PCCA: variants seen among roughly 807,000 people sequenced by gnomAD.
PCCA encodes propionyl-CoA carboxylase subunit alpha, also known as propionyl-CoA carboxylase alpha chain, mitochondrial.
In PCCA, 74 loss-of-function variants were observed where a neutral mutation model predicts 101.3. That is an observed-to-expected ratio of 0.73 (90% confidence interval 0.61 to 0.89). The LOEUF is 0.89. Among genes scored for constraint, PCCA ranks in the 40% least tolerant of loss-of-function variants. The pLI is 0.00. For missense variants in PCCA, 891 were observed against 907.0 expected (o/e 0.98, Z 0.23); for synonymous variants, 294 against 313.6 (o/e 0.94, Z 0.66).
chr13:100,132,233 T>G (rs544202767), intron 4 of PCCA, among the ~76,000 whole-genome samples: 1 of 51,714 alleles, frequency 1.9e-5, no homozygotes, highest in South Asian at 7.0e-4. Flanking sequence ...ATGTGTAGAT[T>G]ATGTCACTAC....
chr13:100,337,444 C>T (rs2070667484), intron 17 of PCCA, among the ~76,000 whole-genome samples: 1 of 152,134 alleles, frequency 6.6e-6, no homozygotes, highest in Admixed American at 6.5e-5. Flanking sequence ...AGTATCAGGC[C>T]GCAGGGGAAC....
At chr13:100,344,626 A>G (rs527376770) in intron 18 of PCCA, among the ~76,000 whole-genome samples, 2 of 152,318 alleles carry the variant, frequency 1.3e-5, no homozygotes, top group South Asian at 2.1e-4. Flanking sequence ...ATTAAAATGC[A>G]TTACTTAAGA....
chr13:100,294,938 A>G (rs2065409227), intron 12 of PCCA, among the ~76,000 whole-genome samples: 1 of 151,612 alleles, frequency 6.6e-6, no homozygotes, highest in Admixed American at 6.6e-5. Flanking sequence ...CTGCAGTCCA[A>G]CTCTTTTTTT....
intron 7 of PCCA, among the ~76,000 whole-genome samples, chr13:100,215,766 A>G (rs2059473022): frequency 6.6e-6 from 1 of 152,008 alleles, no homozygotes; most frequent in Non-Finnish European, 1.5e-5. Flanking sequence ...CAGCCTCTCA[A>G]GTAGCTGGGA....
intron 19 of PCCA, among the ~76,000 whole-genome samples, chr13:100,380,044 C>A (rs938228765): frequency 6.6e-6 from 1 of 152,016 alleles, no homozygotes; most frequent in Non-Finnish European, 1.5e-5. Context: ...CACACACACA[C>A]ACACACACAG....
chr13:100,280,793 C>T (rs2064043328), intron 12 of PCCA, among the ~76,000 whole-genome samples: 1 of 152,216 alleles, frequency 6.6e-6, no homozygotes, highest in African/African-American at 2.4e-5. Flanking sequence ...GTGCACTATC[C>T]TGAGTAGTGT....
At chr13:100,302,160 T>TA (rs2066114482) in intron 13 of PCCA, among the ~76,000 whole-genome samples, 1 of 152,176 alleles carries the variant, frequency 6.6e-6, no homozygotes, top group Admixed American at 6.5e-5. Flanking sequence ...GTTTTACTCA[T>TA]AAACTCTCAG....
intron 19 of PCCA, among the ~76,000 whole-genome samples, chr13:100,377,297 T>A (rs1382870022): frequency 3.3e-5 from 5 of 152,194 alleles, no homozygotes; most frequent in African/African-American, 1.2e-4. Flanking sequence ...TTTTTACTGT[T>A]TTTGACTTAA....
intron 23 of PCCA, among the ~76,000 whole-genome samples, 182 bp downstream of exon 23, chr13:100,527,934 G>C (rs1236845465): frequency 2.0e-5 from 3 of 152,230 alleles, no homozygotes; most frequent in African/African-American, 7.2e-5. Flanking sequence ...CTGCCTCGTA[G>C]AGAGCGTGGC....
At chr13:100,201,928 A>G (rs1177120098) in intron 6 of PCCA, among the ~76,000 whole-genome samples, 1 of 147,534 alleles carries the variant, frequency 6.8e-6, no homozygotes, top group Non-Finnish European at 1.5e-5. Context: ...TGGCCTACAC[A>G]CTAGTTTGCA....
chr13:100,250,241 T>G (rs535090524), intron 8 of PCCA, among the ~76,000 whole-genome samples: 1 of 152,278 alleles, frequency 6.6e-6, no homozygotes, highest in East Asian at 1.9e-4. Context: ...AAGAAATTTC[T>G]CTTTATTCCT....
chr13:100,268,858 C>G (rs2063119225), intron 11 of PCCA, 75 bp downstream of exon 11: 2 of 1,029,000 alleles, frequency 1.9e-6, no homozygotes, highest in Admixed American at 1.7e-5. Context: ...ATTCATCATT[C>G]ACTGACGCAT....
At chr13:100,438,398 T>C (rs2152912277) in intron 20 of PCCA, among the ~76,000 whole-genome samples, 1 of 152,184 alleles carries the variant, frequency 6.6e-6, no homozygotes, top group South Asian at 2.1e-4. Context: ...ATCCCGCCTC[T>C]GCTTCCCAAA....
chr13:100,467,816 G>C (rs897597818), intron 21 of PCCA, among the ~76,000 whole-genome samples: 6 of 152,114 alleles, frequency 3.9e-5, no homozygotes, highest in African/African-American at 1.4e-4. Flanking sequence ...TCAAACTCTT[G>C]TTCATGTTGA....
intron 8 of PCCA, among the ~76,000 whole-genome samples, chr13:100,254,229 C>T (rs905091185): frequency 1.1e-4 from 16 of 152,136 alleles, no homozygotes; most frequent in Non-Finnish European, 1.5e-4. Flanking sequence ...ATTCAGTCAC[C>T]TCCCGCCAGG....
intron 21 of PCCA, among the ~76,000 whole-genome samples, chr13:100,515,143 C>T (rs1350281257): frequency 6.6e-6 from 1 of 152,124 alleles, no homozygotes; most frequent in African/African-American, 2.4e-5. Context: ...TCTCAGTTTT[C>T]TTTATAACGT....
intron 16 of PCCA, among the ~76,000 whole-genome samples, chr13:100,323,151 T>C (rs2068247899): frequency 1.3e-5 from 2 of 152,258 alleles, no homozygotes; most frequent in Non-Finnish European, 2.9e-5. Flanking sequence ...AAAACAGTCA[T>C]ATGTAAGCAA....
chr13:100,293,531 G>A lies in PCCA; in HGVS notation c.1066-7929G>A, dbSNP rs113673693. Among the ~76,000 whole-genome samples, 664 of 152,198 alleles carry A rather than the reference G, an allele frequency of 4.4e-3. 10 individuals carry two copies. The highest frequency in any genetic ancestry group is 0.015 in the African/African-American group (639 of 41,520). On this transcript the variant is annotated intron_variant, in intron 12 of 23. Coordinates refer to ENST00000376285, the MANE Select transcript of PCCA (RefSeq NM_000282.4). Reference sequence around the variant, plus strand: ...AGACCTGCCAGATGAAAATATTTTGGTCTTTTATGGAATTGGAGTGTTTGA... The same window carrying A: ...AGACCTGCCAGATGAAAATATTTTGATCTTTTATGGAATTGGAGTGTTTGA...
Position 100,195,264 on chromosome 13 carries a change from C to T in PCCA, c.469-14068C>T, listed in dbSNP as rs114156664. Reference sequence around the variant, plus strand: ...GAAGCTTCTTACCTTCTTCTTACCTCATCTTCTTAAAAGATACATCTAAAA... The same window carrying T: ...GAAGCTTCTTACCTTCTTCTTACCTTATCTTCTTAAAAGATACATCTAAAA... On this transcript the variant is annotated intron_variant, in intron 6 of 23. Coordinates refer to ENST00000376285, the MANE Select transcript of PCCA (RefSeq NM_000282.4). Among the ~76,000 whole-genome samples the T allele has an allele frequency of 7.1e-3, 1,084 of 152,200 alleles. 13 individuals are homozygous for T. Among genetic ancestry groups the T allele is most frequent in the African/African-American group, 0.025 (1,036 of 41,530 alleles).
Sources: gnomAD v4.1 joint callset for allele counts (sites outside exome capture counted in the v4.1 genomes callset) on GRCh38, gnomAD v4.1.1 for gene constraint, MANE v1.5 for transcripts, NCBI Gene and HGNC (gene_info 2026-07-23, HGNC 2026-07-21) for gene names.